Variants in EPB41 observed in about 807,000 individuals in gnomAD.
EPB41 encodes the protein protein 4.1.
In EPB41, 65 loss-of-function variants were observed where a neutral mutation model predicts 108.0. That is an observed-to-expected ratio of 0.60 (90% CI 0.49 to 0.74). EPB41 has a LOEUF of 0.74. Ranked by LOEUF, EPB41 falls within the 30% of genes least tolerant of loss-of-function variation. EPB41 has a pLI of 0.00. For missense variants in EPB41, 875 were observed against 1,037.0 expected (o/e 0.84, Z 2.15); for synonymous variants, 336 against 358.9 (o/e 0.94, Z 0.72).
At chr1:28,950,574 T>C (rs2094677967) in intron 1 of EPB41, among the ~76,000 whole-genome samples, 1 of 152,244 alleles carries the variant, frequency 6.6e-6, no homozygotes, top group South Asian at 2.1e-4. Flanking sequence ...TGGCTACTGT[T>C]CTGAAGGGAG....
At chr1:28,890,685 G>A (rs755469035) in intron 1 of EPB41, among the ~76,000 whole-genome samples, 4 of 152,190 alleles carry the variant, frequency 2.6e-5, no homozygotes, top group Non-Finnish European at 4.4e-5. Flanking sequence ...CCTTTAATAC[G>A]CTGCATTAAC....
chr1:28,914,955 A>T (rs2092494366), intron 1 of EPB41, among the ~76,000 whole-genome samples, 187 bp downstream of exon 1: 3 of 151,582 alleles, frequency 2.0e-5, no homozygotes, highest in African/African-American at 7.3e-5. Context: ...GCCAGCCGGG[A>T]CGCGGCCCGA....
chr1:29,009,902 A>G (rs1572380710), intron 4 of EPB41, among the ~76,000 whole-genome samples: 1 of 152,224 alleles, frequency 6.6e-6, no homozygotes, highest in African/African-American at 2.4e-5. Context: ...TAATGATTAT[A>G]TAATAGTCAA....
chr1:28,993,949 G>T (rs555326539), intron 3 of EPB41, among the ~76,000 whole-genome samples: 1 of 151,942 alleles, frequency 6.6e-6, no homozygotes, highest in Non-Finnish European at 1.5e-5. Context: ...GAGCCACTGC[G>T]CCCGGCCTTT....
chr1:28,929,545 T>C (rs2093626924), intron 1 of EPB41, among the ~76,000 whole-genome samples: 1 of 149,952 alleles, frequency 6.7e-6, no homozygotes. Context: ...TTACTATTTT[T>C]TTTGAGACGG....
At chr1:29,035,048 C>T (rs1178005591) in intron 9 of EPB41, among the ~76,000 whole-genome samples, 2 of 140,098 alleles carry the variant, frequency 1.4e-5, no homozygotes. Context: ...GTGGCGCCAT[C>T]TCAGCTCACC....
At position 28,959,241 on chromosome 1, in the gene EPB41, G is replaced by A. The variant is rs186957336; in HGVS notation, c.-7-28190G>A. ...TTTTTTTTTTTTTTTTTTTTGAGAC[G>A]GAGTCTCGCTCTGTTGCCAGGCTGG... On this transcript the variant is annotated intron_variant, in intron 1 of 20. Transcript: ENST00000343067. Among the ~76,000 whole-genome samples the A allele has an allele frequency of 4.9e-3, 633 of 129,338 alleles. 5 individuals carry two copies. Among genetic ancestry groups the A allele is most frequent in the African/African-American group, 0.016 (522 of 32,738 alleles). 84.9% of individuals were successfully genotyped at this position (129,338 alleles called of 152,430 possible).
chr1:28,998,192 G>A (rs1314606879), intron 4 of EPB41, among the ~76,000 whole-genome samples: 1 of 152,194 alleles, frequency 6.6e-6, no homozygotes, highest in Non-Finnish European at 1.5e-5. Flanking sequence ...CTCTGGGGAG[G>A]TGATGCCTTA....
chr1:28,942,488 A>G (rs2094327719), intron 1 of EPB41, among the ~76,000 whole-genome samples: 1 of 152,248 alleles, frequency 6.6e-6, no homozygotes, highest in Admixed American at 6.5e-5. Context: ...AGAATATTAC[A>G]GAGAATACAG....
At chr1:29,089,188 A>G (rs972350818) in intron 16 of EPB41, among the ~76,000 whole-genome samples, 2 of 152,220 alleles carry the variant, frequency 1.3e-5, no homozygotes, top group African/African-American at 4.8e-5. Flanking sequence ...CATGGTAAAC[A>G]TACAAAAATA....
intron 14 of EPB41, among the ~76,000 whole-genome samples, chr1:29,059,958 AATCTT>A (rs1351469687): frequency 6.6e-6 from 1 of 152,234 alleles, no homozygotes; most frequent in African/African-American, 2.4e-5. Context: ...AAAGAGATCT[AATCTT>A]TTATTAGATT....
At chr1:28,955,706 G>A (rs2094924411) in intron 1 of EPB41, among the ~76,000 whole-genome samples, 2 of 152,136 alleles carry the variant, frequency 1.3e-5, no homozygotes, top group Admixed American at 1.3e-4. Flanking sequence ...GTGGGAACTT[G>A]ACAAGGTTAA....
chr1:28,976,331 A>G (rs772861357), intron 1 of EPB41, among the ~76,000 whole-genome samples: 1 of 152,084 alleles, frequency 6.6e-6, no homozygotes, highest in Non-Finnish European at 1.5e-5. Flanking sequence ...GCTAGCTGCT[A>G]TTATTATTGT....
intron 1 of EPB41, among the ~76,000 whole-genome samples, chr1:28,892,093 CAAAAAAAAAA>C (rs748788169): frequency 1.0e-4 from 7 of 69,810 alleles, no homozygotes; most frequent in Non-Finnish European, 1.8e-4. Context: ...GACTGCATCT[CAAAAAAAAAA>C]AAAAAAAAAA....
chr1:28,913,722 CCTT>C (rs1374037206), upstream of EPB41, among the ~76,000 whole-genome samples: 11 of 152,110 alleles, frequency 7.2e-5, no homozygotes, highest in African/African-American at 2.7e-4. Flanking sequence ...AAAACAAAAG[CCTT>C]CTTTCTGCAC....
chr1:29,061,210 G>C (rs1366661964), intron 15 of EPB41, among the ~76,000 whole-genome samples: 1 of 152,104 alleles, frequency 6.6e-6, no homozygotes, highest in African/African-American at 2.4e-5. Context: ...TGCTATAGGA[G>C]TTGTAAGATT....
chr1:28,990,564 G>A (rs111414447), intron 2 of EPB41, among the ~76,000 whole-genome samples: 3,238 of 151,642 alleles, frequency 0.021, 46 homozygotes, highest in Non-Finnish European at 0.032. Flanking sequence ...GGGACTACAG[G>A]TGCATGCCAC....
chr1:28,941,661 C>T (rs1211584386), intron 1 of EPB41, among the ~76,000 whole-genome samples: 4 of 152,040 alleles, frequency 2.6e-5, no homozygotes, highest in Admixed American at 6.6e-5. Context: ...TTTGGGAGGC[C>T]GAGGCGGGCG....
At chr1:29,048,385 T>A (rs1643898606) in intron 11 of EPB41, among the ~76,000 whole-genome samples, 1 of 152,118 alleles carries the variant, frequency 6.6e-6, no homozygotes, top group Non-Finnish European at 1.5e-5. Context: ...CGGCTAATTT[T>A]GTATTTTTAG....
Sources: allele counts gnomAD v4.1 joint callset (sites outside exome capture counted in the v4.1 genomes callset), GRCh38; gene constraint gnomAD v4.1.1; transcripts MANE v1.5; gene names NCBI Gene and HGNC (gene_info 2026-07-23, HGNC 2026-07-21).